The following ADAMTS6 variants were observed in gnomAD, a reference collection of about 807,000 sequenced individuals.
ADAMTS6 encodes A disintegrin and metalloproteinase with thrombospondin motifs 6.
ADAMTS6 carries 23 observed loss-of-function variants against 144.3 expected under a neutral mutation model. The observed-to-expected ratio is 0.16, with a 90% CI of 0.11 to 0.23. The LOEUF (loss-of-function observed/expected upper bound fraction) is 0.23. Ranked by LOEUF, ADAMTS6 falls within the 10% of genes least tolerant of loss-of-function variation. The pLI, the probability that ADAMTS6 is intolerant of heterozygous loss-of-function variation, is 1.00. For missense variants in ADAMTS6, 999 were observed against 1,379.6 expected (o/e 0.72, Z 4.37); for synonymous variants, 444 against 457.5 (o/e 0.97, Z 0.38).
intron 18 of ADAMTS6, among the ~76,000 whole-genome samples, chr5:65,219,162 G>T (rs984635417): frequency 6.6e-6 from 1 of 152,126 alleles, no homozygotes; most frequent in East Asian, 1.9e-4. Flanking sequence ...AAATATAAAT[G>T]ATCTAAACAA....
intron 7 of ADAMTS6, among the ~76,000 whole-genome samples, chr5:65,383,397 G>C (rs1752206002): frequency 6.6e-6 from 1 of 152,176 alleles, no homozygotes; most frequent in Admixed American, 6.5e-5. Flanking sequence ...GTCAGGCATA[G>C]GATAGATGTT....
At position 65,152,022 on chromosome 5, in the gene ADAMTS6, T is replaced by G. The variant is rs145642191; in HGVS notation, c.3245-77A>C. 5.2e-4 allele frequency: 675 copies of G among 1,310,214 alleles called. 4 individuals carry two copies. The African/African-American group carries it at 7.7e-3, about 15-fold the overall frequency. The allele number at this position is 1,310,214 out of a possible 1,614,324, so 81.2% of individuals were successfully genotyped here. A position where few individuals can be genotyped will look rare whatever the true frequency, so the allele number is the denominator to read the frequency against. ...ACATAAACAAGCCGATGGGCCTGCA[T>G]GTTCAGCAAGGACCCCCTTTGGGCC... On this transcript the variant is annotated intron_variant, in intron 24 of 24. Coordinates refer to ENST00000381055, the MANE Select transcript of ADAMTS6 (RefSeq NM_197941.4).
chr5:65,454,787 A>G (rs538294863), intron 4 of ADAMTS6, among the ~76,000 whole-genome samples: 1 of 152,276 alleles, frequency 6.6e-6, no homozygotes, highest in South Asian at 2.1e-4. Context: ...CATAACCACA[A>G]AGAACTGAAT....
At chr5:65,174,172 A>G (rs574283053) in intron 22 of ADAMTS6, among the ~76,000 whole-genome samples, 2 of 152,318 alleles carry the variant, frequency 1.3e-5, no homozygotes, top group East Asian at 3.9e-4. Flanking sequence ...ATAAAAATGA[A>G]TGAAATAGGA....
At chr5:65,243,459 T>C (rs946366378) in intron 14 of ADAMTS6, among the ~76,000 whole-genome samples, 1 of 152,132 alleles carries the variant, frequency 6.6e-6, no homozygotes, top group African/African-American at 2.4e-5. Flanking sequence ...CTGAAAATAG[T>C]GGCAGCAGGT....
chr5:65,473,598 T>C lies in ADAMTS6; in HGVS notation c.76A>G (p.Arg26Gly). ...CTACCTTGAGAACTGTATGAAAGCC[T>C]GTGGTCACTATGAAATTCCGATGAA... ...MASSEFHSDH[R>G]LSYSSQEEFL... Residue 26 changes from arginine to glycine, a missense_variant, in exon 2 of 25, where the codon AGG becomes GGG. This residue lies in a region of ADAMTS6 where 252 missense variants were observed against 293.7 expected (regional missense o/e 0.86). Coordinates refer to ENST00000381055, the MANE Select transcript of ADAMTS6 (RefSeq NM_197941.4). 1 of 1,613,724 alleles carries C rather than the reference T, an allele frequency of 6.2e-7. No individual in the cohort carries two copies. Among genetic ancestry groups the C allele is most frequent in the Non-Finnish European group, 8.5e-7 (1 of 1,179,652 alleles).
intron 3 of ADAMTS6, among the ~76,000 whole-genome samples, chr5:65,468,033 A>G (rs551354448): frequency 1.3e-5 from 2 of 152,348 alleles, no homozygotes; most frequent in Admixed American, 6.5e-5. Flanking sequence ...CGCACTGAGA[A>G]AAAGTAAAAG....
intron 14 of ADAMTS6, among the ~76,000 whole-genome samples, chr5:65,259,838 C>T (rs1761022614): frequency 6.6e-6 from 1 of 151,950 alleles, no homozygotes; most frequent in East Asian, 1.9e-4. Context: ...AGAATTAAGA[C>T]AGTAGTAGAG....
chr5:65,394,480 C>T (rs1405295303), intron 7 of ADAMTS6, among the ~76,000 whole-genome samples: 2 of 152,142 alleles, frequency 1.3e-5, no homozygotes, highest in Non-Finnish European at 2.9e-5. Context: ...TGTTAAGCCA[C>T]CAAGTTTTGG....
intron 9 of ADAMTS6, among the ~76,000 whole-genome samples, chr5:65,315,655 A>G (rs1472018363): frequency 6.6e-6 from 1 of 151,962 alleles, no homozygotes; most frequent in Admixed American, 6.5e-5. Context: ...GGATGGAAAA[A>G]GATATACCAT....
At chr5:65,373,604 T>C (rs1751200991) in intron 7 of ADAMTS6, among the ~76,000 whole-genome samples, 1 of 152,076 alleles carries the variant, frequency 6.6e-6, no homozygotes, top group African/African-American at 2.4e-5. Context: ...TTTGAAATTG[T>C]GGCAATAATC....
intron 14 of ADAMTS6, among the ~76,000 whole-genome samples, chr5:65,253,489 G>A (rs182839539): frequency 6.6e-6 from 1 of 152,074 alleles, no homozygotes; most frequent in East Asian, 1.9e-4. Context: ...TTAACTAGTT[G>A]GAAAGTTTTC....
chr5:65,282,588 A>G (rs1312880619), intron 11 of ADAMTS6, among the ~76,000 whole-genome samples: 2 of 152,102 alleles, frequency 1.3e-5, no homozygotes, highest in African/African-American at 4.8e-5. Flanking sequence ...GCTTCAACAT[A>G]TGCCAAATAA....
At chr5:65,210,645 C>T in intron 20 of ADAMTS6, 1 of 611,490 alleles carries the variant, frequency 1.6e-6, no homozygotes, top group Non-Finnish European at 3.0e-6. Context: ...CTATCCCTCA[C>T]AGTACCAAAC....
At chr5:65,340,847 A>T (rs79403368) in intron 7 of ADAMTS6, among the ~76,000 whole-genome samples, 2,153 of 152,178 alleles carry the variant, frequency 0.014, 34 homozygotes, top group East Asian at 0.083. Flanking sequence ...GAGACAAAGT[A>T]TTATTTAAAA....
intron 14 of ADAMTS6, among the ~76,000 whole-genome samples, chr5:65,256,870 A>G (rs920375600): frequency 4.6e-5 from 7 of 151,946 alleles, no homozygotes; most frequent in Admixed American, 4.6e-4. Flanking sequence ...CTACCCTTAT[A>G]TAAAACTTCC....
chr5:65,289,884 A>T (rs1388501273), intron 11 of ADAMTS6, among the ~76,000 whole-genome samples: 1 of 152,216 alleles, frequency 6.6e-6, no homozygotes, highest in East Asian at 1.9e-4. Context: ...CATGAATTTC[A>T]ATGTATTAAT....
intron 11 of ADAMTS6, among the ~76,000 whole-genome samples, chr5:65,279,913 C>T (rs1762860122): frequency 6.6e-6 from 1 of 152,176 alleles, no homozygotes; most frequent in Non-Finnish European, 1.5e-5. Context: ...TGTATTCAAG[C>T]TTATCTTCAG....
At chr5:65,194,564 A>G (rs1755217755) in intron 21 of ADAMTS6, among the ~76,000 whole-genome samples, 1 of 152,218 alleles carries the variant, frequency 6.6e-6, no homozygotes, top group African/African-American at 2.4e-5. Flanking sequence ...TAATCCCACC[A>G]CAAGTCAAGC....
Sources: allele counts gnomAD v4.1 joint callset (sites outside exome capture counted in the v4.1 genomes callset), GRCh38; gene constraint gnomAD v4.1.1; regional missense constraint gnomAD v4.1.1; transcripts MANE v1.5; gene names NCBI Gene and HGNC (gene_info 2026-07-23, HGNC 2026-07-21).